SLC39A10: variants seen among roughly 807,000 people sequenced by gnomAD.
The protein encoded by SLC39A10 is solute carrier family 39 member 10.
Under a neutral mutation model 65.1 loss-of-function variants are expected in SLC39A10, and 13 were observed. The observed-to-expected ratio is 0.20, with a 90% CI of 0.13 to 0.32. The LOEUF (loss-of-function observed/expected upper bound fraction) is 0.32, where lower values mean the gene tolerates loss of function less well. Ranked by LOEUF, SLC39A10 falls within the 10% of genes least tolerant of loss-of-function variation. The probability of loss-of-function intolerance (pLI) is 1.00; values close to 1 mark genes in which losing one functional copy is unlikely to be tolerated. For missense variants in SLC39A10, 831 were observed against 1,018.4 expected, an observed-to-expected ratio of 0.82 and a Z score of 2.50; for synonymous variants, 321 against 342.2, an observed-to-expected ratio of 0.94 and a Z score of 0.68.
chr2:195,714,302 C>T (rs1266679701), intron 6 of SLC39A10, among the ~76,000 whole-genome samples: 1 of 152,148 alleles, frequency 6.6e-6, no homozygotes, highest in Non-Finnish European at 1.5e-5. Context: ...GATGTTTGGA[C>T]ATTGATGTTT....
chr2:195,670,164 TA>T (rs1217201240), intron 1 of SLC39A10, among the ~76,000 whole-genome samples: 1 of 150,800 alleles, frequency 6.6e-6, no homozygotes, highest in Non-Finnish European at 1.5e-5. Context: ...TCTCCAAAAA[TA>T]AAATAAAAAA....
intron 5 of SLC39A10, among the ~76,000 whole-genome samples, chr2:195,710,581 C>T (rs1024585883): frequency 6.6e-6 from 1 of 152,162 alleles, no homozygotes; most frequent in African/African-American, 2.4e-5. Flanking sequence ...GTGACTATGA[C>T]TCACTCCTCA....
intron 1 of SLC39A10, among the ~76,000 whole-genome samples, chr2:195,662,962 G>A (rs1460696159): frequency 6.6e-6 from 1 of 152,068 alleles, no homozygotes; most frequent in African/African-American, 2.4e-5. Flanking sequence ...GTCTCTTTCC[G>A]CTTTCCATTT....
At chr2:195,629,695 A>AGG in intron 2 of SLC39A10, among the ~76,000 whole-genome samples, 1 of 152,312 alleles carries the variant, frequency 6.6e-6, no homozygotes, top group Middle Eastern at 3.4e-3. Context: ...CATTATACAA[A>AGG]TGATTCAGCA....
intron 2 of SLC39A10, among the ~76,000 whole-genome samples, chr2:195,623,376 C>T (rs959799838): frequency 2.6e-4 from 40 of 152,234 alleles, no homozygotes; most frequent in African/African-American, 8.7e-4. Flanking sequence ...CATAGTATTT[C>T]CTTGTCCCCC....
intron 2 of SLC39A10, among the ~76,000 whole-genome samples, chr2:195,622,221 T>A (rs1574194982): frequency 6.6e-6 from 1 of 151,776 alleles, no homozygotes; most frequent in East Asian, 1.9e-4. Context: ...CAAAAAATAG[T>A]TGGGCATGGT....
chr2:195,651,680 G>A (rs1158088815), intron 2 of SLC39A10, among the ~76,000 whole-genome samples: 3 of 152,050 alleles, frequency 2.0e-5, no homozygotes, highest in Non-Finnish European at 4.4e-5. Context: ...TCATCATGTT[G>A]GCCAGGCTGG....
At chr2:195,627,671 C>T (rs865844891) in intron 2 of SLC39A10, among the ~76,000 whole-genome samples, 1 of 152,132 alleles carries the variant, frequency 6.6e-6, no homozygotes, top group Non-Finnish European at 1.5e-5. Context: ...TAGACATTTT[C>T]TTGTATAATA....
At chr2:195,658,404 G>C (rs1013727077) in intron 1 of SLC39A10, 1 of 151,778 alleles carries the variant, frequency 6.6e-6, no homozygotes, top group African/African-American at 2.4e-5. Flanking sequence ...ACACATGTTA[G>C]AAAAAAACAA....
intron 8 of SLC39A10, among the ~76,000 whole-genome samples, chr2:195,721,956 A>G (rs370543765): frequency 6.6e-6 from 1 of 151,828 alleles, no homozygotes; most frequent in African/African-American, 2.4e-5. Flanking sequence ...CCTTCTTACC[A>G]CCCTTTTTCT....
rs186845864 is a variant in SLC39A10 at position 195,733,616 on chromosome 2, C to T, written c.2338-1267C>T. ...CGCAATCTTGGCTCACCGCAACCTC[C>T]GCCTCCTGGGTTCAAGCAGTTCTCC... is the stretch of plus-strand genomic sequence containing the variant. On this transcript the variant is annotated intron_variant, in intron 9 of 9. Coordinates refer to ENST00000359634, the MANE Select transcript of SLC39A10 (RefSeq NM_020342.3). Among the ~76,000 whole-genome samples, 293 of 152,102 alleles carry T rather than the reference C, an allele frequency of 1.9e-3. 1 individual carries two copies. The highest frequency in any genetic ancestry group is 6.7e-3 in the African/African-American group (280 of 41,512).
chr2:195,681,297 C>T (rs892187193), intron 2 of SLC39A10, among the ~76,000 whole-genome samples: 2 of 152,124 alleles, frequency 1.3e-5, no homozygotes, highest in South Asian at 2.1e-4. Flanking sequence ...GAGGCCGAGG[C>T]GGGTAGATCA....
At chr2:195,732,375 T>C (rs1409823260) in intron 9 of SLC39A10, among the ~76,000 whole-genome samples, 1 of 152,186 alleles carries the variant, frequency 6.6e-6, no homozygotes, top group African/African-American at 2.4e-5. Flanking sequence ...TAGAGGACTT[T>C]GGGTGGTGCT....
At chr2:195,656,062 T>C (rs1689137972), upstream of SLC39A10, among the ~76,000 whole-genome samples, 1 of 152,082 alleles carries the variant, frequency 6.6e-6, no homozygotes, top group South Asian at 2.1e-4. Context: ...AATTAATATA[T>C]ATGTGGAGTA....
intron 2 of SLC39A10, among the ~76,000 whole-genome samples, chr2:195,643,946 T>C (rs1688859049): frequency 6.6e-6 from 1 of 152,244 alleles, no homozygotes; most frequent in South Asian, 2.1e-4. Flanking sequence ...TTAGTTAACA[T>C]TGTTAACACC....
chr2:195,696,327 A>AAC (rs1251069157), intron 3 of SLC39A10, among the ~76,000 whole-genome samples: 1 of 151,782 alleles, frequency 6.6e-6, no homozygotes, highest in East Asian at 1.9e-4. Flanking sequence ...CTGAAAAAAA[A>AAC]AAAAAAAACC....
chr2:195,672,432 C>G (rs1207573756), intron 1 of SLC39A10, among the ~76,000 whole-genome samples: 1 of 152,042 alleles, frequency 6.6e-6, no homozygotes, highest in African/African-American at 2.4e-5. Flanking sequence ...CATACCTGGC[C>G]TAAATGATTC....
chr2:195,650,717 C>A (rs918087675), intron 2 of SLC39A10, among the ~76,000 whole-genome samples: 1 of 152,066 alleles, frequency 6.6e-6, no homozygotes, highest in Non-Finnish European at 1.5e-5. Context: ...ATTTTTGTCT[C>A]TGCAAATAGC....
At chr2:195,685,737 T>C (rs939327972) in intron 3 of SLC39A10, among the ~76,000 whole-genome samples, 1 of 152,208 alleles carries the variant, frequency 6.6e-6, no homozygotes, top group Non-Finnish European at 1.5e-5. Flanking sequence ...GTCTCCCTCA[T>C]AGTATAGATC....
Sources: allele counts gnomAD v4.1 joint callset (sites outside exome capture counted in the v4.1 genomes callset), GRCh38; gene constraint gnomAD v4.1.1; transcripts MANE v1.5; gene names NCBI Gene and HGNC (gene_info 2026-07-23, HGNC 2026-07-21).